FBXO11: variants seen among roughly 807,000 people sequenced by gnomAD.
FBXO11 encodes F-box only protein 11.
FBXO11 carries 13 observed loss-of-function variants against 117.0 expected under a neutral mutation model. The observed-to-expected ratio is 0.11, with a 90% CI of 0.07 to 0.18. The LOEUF is 0.18. FBXO11 is among the 10% of genes least tolerant of loss of function. The pLI is 1.00. For synonymous variants in FBXO11, 490 were observed against 380.5 expected, an observed-to-expected ratio of 1.29 and a Z score of -3.35; for missense variants, 767 against 1,164.4, an observed-to-expected ratio of 0.66 and a Z score of 4.97.
Position 47,905,674 on chromosome 2 carries a change from C to T in FBXO11, c.47G>A (p.Arg16Gln). The T allele has an allele frequency of 6.6e-7, 1 of 1,504,752 alleles. No individual in the cohort carries two copies. Among genetic ancestry groups the T allele is most frequent in the Non-Finnish European group, 8.9e-7 (1 of 1,128,948 alleles). The allele number at this position is 1,504,752 out of a possible 1,614,324, so 93.2% of individuals were successfully genotyped here. A position where few individuals can be genotyped will look rare whatever the true frequency, so the allele number is the denominator to read the frequency against. ...CTGCTGTTGCTGCACCGGGCGCGGC[C>T]GCGACACTCGCCTGGGTCTCCGGTT... Reference protein sequence around the residue: ...AANRRPRRVSRPRPVQQQQQQ... With the variant: ...AANRRPRRVSQPRPVQQQQQQ... The change falls in exon 1 of 23, where the codon CGG (arginine) becomes CAG (glutamine). Residue 16 changes from arginine (R) to glutamine (Q), a missense_variant. This residue lies in a region of FBXO11 where 355 missense variants were observed against 299.8 expected (regional missense o/e 1.18). Coordinates refer to ENST00000403359, the MANE Select transcript of FBXO11 (RefSeq NM_001190274.2).
rs543925857 is a variant in FBXO11, at chr2:47,865,674, G to C, written c.233-25905C>G. On this transcript the variant is annotated intron_variant, in intron 1 of 22. Transcript: ENST00000403359. Reference sequence around the variant, plus strand: ...TAATTTTAATTAATAGTCATACAAAGTAAAAACACTCTACATTTGTGTAAA... The same window carrying C: ...TAATTTTAATTAATAGTCATACAAACTAAAAACACTCTACATTTGTGTAAA... The C allele has an allele frequency of 2.0e-5, 3 of 152,126 alleles. No homozygotes were observed. The East Asian group carries it at 5.8e-4, about 29-fold the overall frequency. 9.4% of individuals were successfully genotyped at this position (152,126 alleles called of 1,614,324 possible). A position where few individuals can be genotyped will look rare whatever the true frequency, so the allele number is the denominator to read the frequency against.
chr2:47,869,125 G>A (rs544525201), intron 1 of FBXO11, among the ~76,000 whole-genome samples: 12 of 152,194 alleles, frequency 7.9e-5, no homozygotes, highest in South Asian at 2.1e-4. Context: ...TTTCTTCCAC[G>A]GCCAGAATTC....
intron 1 of FBXO11, among the ~76,000 whole-genome samples, chr2:47,871,657 A>G (rs34241089): frequency 0.021 from 3,253 of 152,176 alleles, 63 homozygotes; most frequent in Non-Finnish European, 0.036. Flanking sequence ...GTGTATTTTT[A>G]TATTAGGGTG....
At chr2:47,863,545 G>A (rs1017634047) in intron 1 of FBXO11, among the ~76,000 whole-genome samples, 1 of 152,126 alleles carries the variant, frequency 6.6e-6, no homozygotes, top group Non-Finnish European at 1.5e-5. Flanking sequence ...AATAAAAGTG[G>A]TAACTTTATT....
rs3732191 is a variant in FBXO11, at chr2:47,813,146, A to T, written c.2227+88T>A. The T allele has an allele frequency of 1.1e-5, 14 of 1,301,508 alleles. No homozygotes were observed. In the African/African-American group the frequency reaches 2.0e-4, roughly 19 times the overall value. 80.6% of individuals were successfully genotyped at this position (1,301,508 alleles called of 1,614,324 possible). A position where few individuals can be genotyped will look rare whatever the true frequency, so the allele number is the denominator to read the frequency against. On this transcript the variant is annotated intron_variant, in intron 18 of 22. Transcript: ENST00000403359. ...AAGACTTGAGATTCACTCATTTATAACTTAGTTAGCAATGTCATTGATCAT... is the reference window on the plus strand; with the variant it reads ...AAGACTTGAGATTCACTCATTTATATCTTAGTTAGCAATGTCATTGATCAT...
At chr2:47,885,342 C>T (rs535849078) in intron 1 of FBXO11, among the ~76,000 whole-genome samples, 1 of 152,110 alleles carries the variant, frequency 6.6e-6, no homozygotes, top group South Asian at 2.1e-4. Context: ...GCCTGTAATC[C>T]CAGCACTTTG....
chr2:47,905,387 G>A (rs1678701905), intron 1 of FBXO11, 102 bp downstream of exon 1: 4 of 1,065,874 alleles, frequency 3.8e-6, no homozygotes, highest in Non-Finnish European at 4.6e-6. Flanking sequence ...CCCACCCCCA[G>A]GGCGCGCAGG....
intron 4 of FBXO11, among the ~76,000 whole-genome samples, chr2:47,836,721 G>A (rs1672595732): frequency 6.6e-6 from 1 of 152,058 alleles, no homozygotes. Flanking sequence ...GTTTACTCAG[G>A]AAGGGGAAAA....
intron 1 of FBXO11, among the ~76,000 whole-genome samples, chr2:47,895,304 C>A (rs895230021): frequency 1.3e-5 from 2 of 152,124 alleles, no homozygotes; most frequent in Non-Finnish European, 2.9e-5. Flanking sequence ...CAATGTAATA[C>A]TAAACAGCAA....
At chr2:47,837,632 A>G (rs998889602) in intron 4 of FBXO11, among the ~76,000 whole-genome samples, 1 of 152,270 alleles carries the variant, frequency 6.6e-6, no homozygotes, top group Non-Finnish European at 1.5e-5. Flanking sequence ...CTATAGTTTC[A>G]ATATATTAAC....
chr2:47,889,334 T>C (rs924149576), intron 1 of FBXO11, among the ~76,000 whole-genome samples: 1 of 152,236 alleles, frequency 6.6e-6, no homozygotes, highest in African/African-American at 2.4e-5. Flanking sequence ...CTATACTTAC[T>C]GATTTTTCCT....
intron 1 of FBXO11, among the ~76,000 whole-genome samples, chr2:47,888,029 C>T (rs1019076712): frequency 1.3e-5 from 2 of 151,808 alleles, no homozygotes; most frequent in African/African-American, 4.8e-5. Context: ...AAAAAAAATC[C>T]CTAAAAAATG....
At chr2:47,866,379 T>TGCTGTG (rs1197535312) in intron 1 of FBXO11, among the ~76,000 whole-genome samples, 2 of 151,624 alleles carry the variant, frequency 1.3e-5, no homozygotes, top group Non-Finnish European at 2.9e-5. Flanking sequence ...AAAATGAGGG[T>TGCTGTG]GCTGTGTTAC....
At chr2:47,811,708 C>A (rs568728212) in intron 18 of FBXO11, 2 of 152,224 alleles carry the variant, frequency 1.3e-5, no homozygotes, top group Non-Finnish European at 2.9e-5. Context: ...AAATCAGAAT[C>A]CTGAGCACCC....
intron 1 of FBXO11, chr2:47,865,694 T>C (rs1213187187): frequency 1.3e-5 from 2 of 152,226 alleles, no homozygotes; most frequent in African/African-American, 4.8e-5. Flanking sequence ...TCTACATTTG[T>C]GTAAAAATCT....
chr2:47,855,563 G>C, intron 1 of FBXO11, among the ~76,000 whole-genome samples: 1 of 152,234 alleles, frequency 6.6e-6, no homozygotes, highest in African/African-American at 2.4e-5. Flanking sequence ...GCCAGGTGCA[G>C]TGGCTCATGC....
chr2:47,904,233 A>G (rs1045441795), intron 1 of FBXO11, among the ~76,000 whole-genome samples: 8 of 152,192 alleles, frequency 5.3e-5, no homozygotes, highest in African/African-American at 1.9e-4. Flanking sequence ...ATTAACCTTA[A>G]TCCGCCAACT....
At chr2:47,821,033 A>C (rs1671342276) in intron 13 of FBXO11, among the ~76,000 whole-genome samples, 1 of 152,264 alleles carries the variant, frequency 6.6e-6, no homozygotes, top group Admixed American at 6.5e-5. Flanking sequence ...AAAGTATATT[A>C]AACTACCACA....
At chr2:47,884,842 T>G (rs781755167) in intron 1 of FBXO11, among the ~76,000 whole-genome samples, 3 of 152,210 alleles carry the variant, frequency 2.0e-5, no homozygotes, top group Non-Finnish European at 4.4e-5. Context: ...TACTAACTCT[T>G]GTGAATTAAA....
Sources: gnomAD v4.1 joint callset for allele counts (sites outside exome capture counted in the v4.1 genomes callset) on GRCh38, gnomAD v4.1.1 for gene constraint, gnomAD v4.1.1 regional missense constraint, MANE v1.5 for transcripts, NCBI Gene and HGNC (gene_info 2026-07-23, HGNC 2026-07-21) for gene names.